DNAH7: variants seen among roughly 807,000 people sequenced by gnomAD.
DNAH7 encodes the protein axonemal beta dynein heavy chain 7.
A neutral mutation model predicts 444.6 loss-of-function variants in DNAH7; 397 were observed. That is an observed-to-expected ratio of 0.89 (90% CI 0.82 to 0.97). The LOEUF is 0.97. Among genes scored for constraint, DNAH7 ranks in the 50% least tolerant of loss-of-function variants. The pLI is 0.00. For synonymous variants in DNAH7, 1,636 were observed against 1,624.4 expected, an observed-to-expected ratio of 1.01 and a Z score of -0.17; for missense variants, 4,902 against 4,800.8, an observed-to-expected ratio of 1.02 and a Z score of -0.62.
Position 196,026,868 on chromosome 2 carries a change from G to T in DNAH7, c.559C>A (p.His187Asn), listed in dbSNP as rs778255227. The T allele has an allele frequency of 6.2e-7, 1 of 1,612,306 alleles. No homozygotes were observed. Among genetic ancestry groups the T allele is most frequent in the Non-Finnish European group, 8.5e-7 (1 of 1,178,678 alleles). The part of the protein sequence containing the change: ...VAPMEDSWLE[H>N]VLDLVPQHLK... ...TGTTGTGGAACTAAATCCAGTACGT[G>T]TTCTAGCCAAGAATCTTCCATTGGG... is the stretch of plus-strand genomic sequence containing the variant. Residue 187 changes from histidine (H) to asparagine (N), a missense_variant, in exon 7 of 65, where the codon CAC becomes AAC. Transcript: ENST00000312428.
chr2:195,851,302 A>G (rs1699348083), intron 46 of DNAH7, among the ~76,000 whole-genome samples: 1 of 152,240 alleles, frequency 6.6e-6, no homozygotes, highest in Admixed American at 6.5e-5. Context: ...TGAGAGTGAC[A>G]TGAGAGATTT....
chr2:195,928,527 A>C, intron 21 of DNAH7, among the ~76,000 whole-genome samples: 1 of 152,192 alleles, frequency 6.6e-6, no homozygotes, highest in East Asian at 1.9e-4. Flanking sequence ...GCTATTTGTC[A>C]ATATTTATCA....
chr2:196,039,364 G>A (rs1342426036), intron 5 of DNAH7, among the ~76,000 whole-genome samples: 2 of 152,010 alleles, frequency 1.3e-5, no homozygotes, highest in African/African-American at 4.8e-5. Context: ...AGTGCTAGAA[G>A]GGAAGTTTAT....
chr2:195,790,430 C>T (rs866797155), intron 57 of DNAH7, among the ~76,000 whole-genome samples: 3 of 144,180 alleles, frequency 2.1e-5, no homozygotes, highest in South Asian at 4.4e-4. Flanking sequence ...AATTATATTA[C>T]AAGGCTACAG....
At chr2:196,036,627 G>C (rs1291931637) in intron 5 of DNAH7, among the ~76,000 whole-genome samples, 1 of 152,110 alleles carries the variant, frequency 6.6e-6, no homozygotes, top group Non-Finnish European at 1.5e-5. Flanking sequence ...GGGGGTCCAG[G>C]GACCAGCCTG....
At chr2:195,786,916 T>G in intron 58 of DNAH7, 94 bp downstream of exon 58, 1 of 1,284,760 alleles carries the variant, frequency 7.8e-7, no homozygotes, top group Non-Finnish European at 1.0e-6. Context: ...TTCATAAGAG[T>G]AGAAATTAAT....
At chr2:195,996,188 G>A (rs146401730) in intron 12 of DNAH7, among the ~76,000 whole-genome samples, 2 of 152,256 alleles carry the variant, frequency 1.3e-5, no homozygotes, top group Admixed American at 1.3e-4. Context: ...CTAGATCAAA[G>A]AAAGACTACT....
At chr2:196,058,925 G>C (rs138049359) in intron 1 of DNAH7, among the ~76,000 whole-genome samples, 1 of 152,130 alleles carries the variant, frequency 6.6e-6, no homozygotes, top group Non-Finnish European at 1.5e-5. Context: ...GAGATTTTAC[G>C]ACTTACTACA....
At chr2:195,757,669 C>T (rs1413117433) in intron 61 of DNAH7, among the ~76,000 whole-genome samples, 1 of 152,090 alleles carries the variant, frequency 6.6e-6, no homozygotes, top group African/African-American at 2.4e-5. Context: ...ATTGTGGGAG[C>T]TAGAAAGCAT....
chr2:196,060,946 C>T (rs1698099589), intron 1 of DNAH7, among the ~76,000 whole-genome samples: 1 of 152,142 alleles, frequency 6.6e-6, no homozygotes, highest in South Asian at 2.1e-4. Context: ...AATTCATTCT[C>T]ATTTTTTAAA....
chr2:195,738,149 C>CTCTT, intron 64 of DNAH7, 22 bp from the exon 65 acceptor site: 1 of 1,598,804 alleles, frequency 6.3e-7, no homozygotes, highest in South Asian at 1.1e-5. Context: ...TACATAACAC[C>CTCTT]TCTTTAAGTC....
At chr2:195,948,666 C>T (rs755212368) in intron 19 of DNAH7, among the ~76,000 whole-genome samples, 8 of 152,124 alleles carry the variant, frequency 5.3e-5, no homozygotes, top group Middle Eastern at 3.2e-3. Context: ...TGTTTTGGTA[C>T]CAGCACCATG....
intron 11 of DNAH7, 33 bp from the exon 12 acceptor site, chr2:196,000,916 T>C (rs1255041910): frequency 1.3e-6 from 2 of 1,512,176 alleles, no homozygotes; most frequent in African/African-American, 1.4e-5. Flanking sequence ...CATACATAAA[T>C]ATGTATGAAT....
intron 17 of DNAH7, among the ~76,000 whole-genome samples, chr2:195,968,175 G>A (rs1489531474): frequency 6.6e-6 from 1 of 152,166 alleles, no homozygotes; most frequent in Admixed American, 6.5e-5. Context: ...GGACTTGGGG[G>A]CCCCAAGGTC....
intron 48 of DNAH7, among the ~76,000 whole-genome samples, chr2:195,831,240 T>G (rs894260807): frequency 6.6e-6 from 1 of 152,248 alleles, no homozygotes; most frequent in African/African-American, 2.4e-5. Context: ...GTACCTTTAT[T>G]TTCTAGAACA....
chr2:195,894,641 A>G lies in DNAH7; in HGVS notation c.4896+335T>C, dbSNP rs1702201333. 5 of 174,080 alleles carry G rather than the reference A, an allele frequency of 2.9e-5. No individual in the cohort carries two copies. In the Admixed American group the frequency reaches 2.9e-4, roughly 10 times the overall value. 10.8% of individuals were successfully genotyped at this position (174,080 alleles called of 1,614,324 possible). A position where few individuals can be genotyped will look rare whatever the true frequency, so the allele number is the denominator to read the frequency against. The stretch of plus-strand genomic sequence containing the variant: ...GCCAATAACAGAAGCTTGCATTACA[A>G]ATCTATCTAGAAAATAAAAAAGACT... On this transcript the variant is annotated intron_variant, in intron 30 of 64. Transcript: ENST00000312428.
At chr2:195,859,815 G>T (rs963612676) in intron 42 of DNAH7, among the ~76,000 whole-genome samples, 3 of 152,148 alleles carry the variant, frequency 2.0e-5, no homozygotes, top group Non-Finnish European at 4.4e-5. Context: ...TGTGCAACAA[G>T]CATAGGAAAG....
intron 49 of DNAH7, among the ~76,000 whole-genome samples, chr2:195,821,990 G>T (rs911132218): frequency 4.6e-5 from 7 of 152,176 alleles, no homozygotes; most frequent in Admixed American, 6.5e-5. Context: ...CCTCAGTGGG[G>T]TATTATCTGG....
chr2:195,865,046 T>A (rs988596563), intron 40 of DNAH7, 25 bp from the exon 41 acceptor site: 8 of 1,530,710 alleles, frequency 5.2e-6, no homozygotes, highest in Admixed American at 2.2e-5. Flanking sequence ...AAAAGCAGCT[T>A]TAGAAACTTT....
Sources: allele counts gnomAD v4.1 joint callset (sites outside exome capture counted in the v4.1 genomes callset), GRCh38; gene constraint gnomAD v4.1.1; transcripts MANE v1.5; gene names NCBI Gene and HGNC (gene_info 2026-07-23, HGNC 2026-07-21).